The following UNC13B variants were observed in gnomAD, a reference collection of about 807,000 sequenced individuals.
UNC13B encodes the protein protein unc-13 homolog B.
Under a neutral mutation model 211.0 loss-of-function variants are expected in UNC13B, and 144 were observed. The observed-to-expected ratio is 0.68, with a 90% CI of 0.60 to 0.78. The LOEUF is 0.78. UNC13B is among the 30% of genes least tolerant of loss of function. UNC13B has a pLI of 0.00. For missense variants in UNC13B, 1,777 were observed against 2,002.0 expected (o/e 0.89, Z 2.14); for synonymous variants, 709 against 725.8 (o/e 0.98, Z 0.37).
intron 11 of UNC13B, among the ~76,000 whole-genome samples, chr9:35,334,335 A>G (rs1047821238): frequency 6.6e-6 from 1 of 152,344 alleles, no homozygotes; most frequent in South Asian, 2.1e-4. Context: ...ATATGGGCCC[A>G]GGGGCTAAAG....
chr9:35,184,473 C>A (rs997462139), intron 1 of UNC13B, among the ~76,000 whole-genome samples: 1 of 152,098 alleles, frequency 6.6e-6, no homozygotes, highest in African/African-American at 2.4e-5. Context: ...CCCGGGAGGC[C>A]GAGGCGGGCA....
In UNC13B at chr9:35,399,382, C is replaced by G; in HGVS notation, c.12199-10C>G. 6.2e-7 allele frequency: 1 copy of G among 1,614,136 alleles called. No homozygotes were observed. Among genetic ancestry groups the G allele is most frequent in the Non-Finnish European group, 8.5e-7 (1 of 1,180,024 alleles). On this transcript the variant is annotated splice_polypyrimidine_tract_variant and intron_variant, in intron 34 of 39. Transcript: ENST00000635942. ...GTCCTCTGCTTTTGACTGATTCCCTCTCTGCCCAGGGCACCCAGCTGATCT... is the reference window on the plus strand; with the variant it reads ...GTCCTCTGCTTTTGACTGATTCCCTGTCTGCCCAGGGCACCCAGCTGATCT...
intron 1 of UNC13B, among the ~76,000 whole-genome samples, chr9:35,199,483 T>C (rs1210519926): frequency 6.6e-6 from 1 of 152,188 alleles, no homozygotes; most frequent in Non-Finnish European, 1.5e-5. Context: ...TTCCTATTTC[T>C]CCATATCCTC....
intron 5 of UNC13B, among the ~76,000 whole-genome samples, chr9:35,238,722 AT>A (rs1214636932): frequency 6.6e-6 from 1 of 151,784 alleles, no homozygotes; most frequent in Non-Finnish European, 1.5e-5. Context: ...CACCTGGCTA[AT>A]TTTTTGTAAT....
intron 1 of UNC13B, among the ~76,000 whole-genome samples, chr9:35,200,765 A>C (rs1428650117): frequency 6.6e-6 from 1 of 152,216 alleles, no homozygotes; most frequent in African/African-American, 2.4e-5. Flanking sequence ...TAGATATACA[A>C]TCATGTCATT....
chr9:35,202,434 A>G (rs538057816), intron 1 of UNC13B, among the ~76,000 whole-genome samples: 1 of 152,178 alleles, frequency 6.6e-6, no homozygotes, highest in Admixed American at 6.5e-5. Flanking sequence ...GAGCTGTCTA[A>G]CGTTGACAGT....
At chr9:35,370,426 C>CA in intron 13 of UNC13B, 30 bp downstream of exon 13, 1 of 1,608,452 alleles carries the variant, frequency 6.2e-7, no homozygotes, top group Non-Finnish European at 8.5e-7. Flanking sequence ...CAGGCATAGG[C>CA]AGTAGCCTTG....
At chr9:35,226,141 G>T (rs1201497834) in intron 1 of UNC13B, among the ~76,000 whole-genome samples, 1 of 152,174 alleles carries the variant, frequency 6.6e-6, no homozygotes, top group African/African-American at 2.4e-5. Context: ...ATGGGAACTT[G>T]TTAGAAATAC....
intron 1 of UNC13B, among the ~76,000 whole-genome samples, chr9:35,199,093 T>C (rs1364408566): frequency 3.9e-5 from 6 of 152,076 alleles, no homozygotes; most frequent in Admixed American, 2.0e-4. Flanking sequence ...ACATGCGGTG[T>C]TTGGTTTTCT....
intron 7 of UNC13B, among the ~76,000 whole-genome samples, chr9:35,259,463 T>A (rs1184693206): frequency 6.6e-6 from 1 of 152,172 alleles, no homozygotes. Context: ...TGCACATCCA[T>A]CATATGACAT....
intron 1 of UNC13B, among the ~76,000 whole-genome samples, chr9:35,205,002 G>A (rs1263146060): frequency 1.3e-5 from 2 of 152,186 alleles, no homozygotes; most frequent in African/African-American, 4.8e-5. Context: ...GGCTTAATGG[G>A]AGGTGATGGA....
chr9:35,198,312 T>C (rs1823059417), intron 1 of UNC13B, among the ~76,000 whole-genome samples: 1 of 152,176 alleles, frequency 6.6e-6, no homozygotes, highest in Admixed American at 6.5e-5. Flanking sequence ...TTAAGGTGTG[T>C]GGTATCTTCT....
chr9:35,167,564 G>A (rs1316462977), intron 1 of UNC13B, among the ~76,000 whole-genome samples: 4 of 148,648 alleles, frequency 2.7e-5, no homozygotes, highest in Non-Finnish European at 5.9e-5. Flanking sequence ...TACAAACAGT[G>A]CTACAATGAA....
At chr9:35,320,677 T>A (rs1483324795) in intron 11 of UNC13B, among the ~76,000 whole-genome samples, 1 of 152,208 alleles carries the variant, frequency 6.6e-6, no homozygotes, top group Non-Finnish European at 1.5e-5. Context: ...AGTTTTGGGG[T>A]AAAGTTTCTA....
chr9:35,368,653 T>G (rs1034807803), intron 12 of UNC13B, among the ~76,000 whole-genome samples: 1 of 152,128 alleles, frequency 6.6e-6, no homozygotes, highest in Non-Finnish European at 1.5e-5. Context: ...CCACAACGGT[T>G]GAACTAATTT....
chr9:35,252,126 C>G (rs901757108), intron 6 of UNC13B, among the ~76,000 whole-genome samples: 2 of 152,144 alleles, frequency 1.3e-5, no homozygotes. Flanking sequence ...TTCCTTTAAA[C>G]TGAAAAGTGC....
chr9:35,169,626 G>A (rs188643727), intron 1 of UNC13B, among the ~76,000 whole-genome samples: 2 of 152,230 alleles, frequency 1.3e-5, no homozygotes, highest in African/African-American at 4.8e-5. Context: ...AGTAGTCCCT[G>A]CCCTTAGAGC....
chr9:35,401,676 C>T (rs1009806788), intron 37 of UNC13B, among the ~76,000 whole-genome samples: 5 of 152,182 alleles, frequency 3.3e-5, no homozygotes, highest in African/African-American at 1.2e-4. Flanking sequence ...TACAGCCTGT[C>T]TCTTGTCCTG....
At chr9:35,288,456 T>C (rs868614848) in intron 7 of UNC13B, among the ~76,000 whole-genome samples, 5 of 152,260 alleles carry the variant, frequency 3.3e-5, no homozygotes, top group Non-Finnish European at 4.4e-5. Context: ...TGCCTTTGCA[T>C]GCATAATTTC....
Sources: allele counts gnomAD v4.1 joint callset (sites outside exome capture counted in the v4.1 genomes callset), GRCh38; gene constraint gnomAD v4.1.1; transcripts MANE v1.5; gene names NCBI Gene and HGNC (gene_info 2026-07-23, HGNC 2026-07-21).